The following HOMER1 variants were observed in gnomAD, a reference collection of about 807,000 sequenced individuals.
HOMER1 encodes the protein homer scaffold protein 1.
In HOMER1, 3 loss-of-function variants were observed where a neutral mutation model predicts 48.9. That is an observed-to-expected ratio of 0.06 (90% CI 0.03 to 0.16). The LOEUF (loss-of-function observed/expected upper bound fraction) is 0.16, where lower values mean the gene tolerates loss of function less well. Among genes scored for constraint, HOMER1 ranks in the 10% least tolerant of loss-of-function variants. The probability of loss-of-function intolerance (pLI) is 1.00; values close to 1 mark genes in which losing one functional copy is unlikely to be tolerated. For synonymous variants in HOMER1, 134 were observed against 146.4 expected (o/e 0.92, Z 0.61); for missense variants, 247 against 411.4 (o/e 0.60, Z 3.46).
chr5:79,460,094 A>G (rs1012192041), intron 1 of HOMER1, among the ~76,000 whole-genome samples: 1 of 152,114 alleles, frequency 6.6e-6, no homozygotes, highest in Non-Finnish European at 1.5e-5. Flanking sequence ...GCCTCAAGCA[A>G]TCCTCCCACC....
At chr5:79,508,503 A>C (rs186800129) in intron 1 of HOMER1, among the ~76,000 whole-genome samples, 5 of 152,366 alleles carry the variant, frequency 3.3e-5, no homozygotes, top group Admixed American at 2.0e-4. Flanking sequence ...CAGTCCCTGC[A>C]TAATAAGGCT....
At chr5:79,408,466 T>C (rs994692321) in intron 5 of HOMER1, among the ~76,000 whole-genome samples, 4 of 152,084 alleles carry the variant, frequency 2.6e-5, no homozygotes, top group Admixed American at 2.0e-4. Flanking sequence ...ATGAAAATTA[T>C]TAAAATGAAG....
At chr5:79,395,581 G>T (rs1310382663) in intron 8 of HOMER1, among the ~76,000 whole-genome samples, 4 of 152,144 alleles carry the variant, frequency 2.6e-5, no homozygotes, top group Admixed American at 2.6e-4. Flanking sequence ...CCAGACTACT[G>T]AAAGCCAGTG....
At chr5:79,448,022 T>G (rs757616145) in intron 3 of HOMER1, among the ~76,000 whole-genome samples, 4 of 152,198 alleles carry the variant, frequency 2.6e-5, no homozygotes, top group Non-Finnish European at 4.4e-5. Context: ...CATTTCCATC[T>G]TGGGAAGAAA....
intron 1 of HOMER1, among the ~76,000 whole-genome samples, chr5:79,498,345 GA>G (rs1197908491): frequency 6.6e-6 from 1 of 152,186 alleles, no homozygotes. Flanking sequence ...GCAGTGAGCT[GA>G]GATTGCACCA....
chr5:79,507,138 G>A (rs531772663), intron 1 of HOMER1, among the ~76,000 whole-genome samples: 11 of 149,488 alleles, frequency 7.4e-5, no homozygotes, highest in African/African-American at 1.2e-4. Context: ...GCTGGAACCC[G>A]GGAGGCGGAG....
At chr5:79,511,844 C>A (rs1038306467) in intron 1 of HOMER1, among the ~76,000 whole-genome samples, 4 of 152,176 alleles carry the variant, frequency 2.6e-5, no homozygotes, top group Non-Finnish European at 5.9e-5. Context: ...TTAAAACATG[C>A]CCCTCAACTA....
intron 1 of HOMER1, among the ~76,000 whole-genome samples, chr5:79,486,102 AC>A (rs975974093): frequency 1.7e-4 from 26 of 152,040 alleles, no homozygotes; most frequent in Non-Finnish European, 2.9e-5. Context: ...AGGAATCAAG[AC>A]CTCCACCCTA....
intron 1 of HOMER1, among the ~76,000 whole-genome samples, chr5:79,457,409 C>T (rs1580463736): frequency 6.6e-6 from 1 of 152,306 alleles, no homozygotes; most frequent in Middle Eastern, 3.4e-3. Flanking sequence ...AGTTCTCATA[C>T]TACATTTACA....
intron 8 of HOMER1, among the ~76,000 whole-genome samples, chr5:79,394,330 A>G (rs1252430717): frequency 6.6e-6 from 1 of 152,078 alleles, no homozygotes; most frequent in Non-Finnish European, 1.5e-5. Flanking sequence ...TAAACAGGAG[A>G]TGTTTCTGTG....
intron 5 of HOMER1, among the ~76,000 whole-genome samples, chr5:79,416,968 G>C (rs1749958820): frequency 6.6e-6 from 1 of 152,170 alleles, no homozygotes; most frequent in Admixed American, 6.5e-5. Flanking sequence ...GAATTTGGAA[G>C]GTTGAGAGCC....
chr5:79,424,488 A>G (rs1176900314), intron 5 of HOMER1, among the ~76,000 whole-genome samples: 1 of 152,080 alleles, frequency 6.6e-6, no homozygotes, highest in African/African-American at 2.4e-5. Flanking sequence ...CCTAATGTCT[A>G]TTCATAACTA....
chr5:79,510,139 C>T (rs1278303049), intron 1 of HOMER1, among the ~76,000 whole-genome samples: 3 of 151,816 alleles, frequency 2.0e-5, no homozygotes, highest in Non-Finnish European at 4.4e-5. Context: ...CTTCCTCTCT[C>T]TACTCAAGTC....
intron 5 of HOMER1, among the ~76,000 whole-genome samples, chr5:79,416,881 G>A (rs974865472): frequency 3.9e-5 from 6 of 152,154 alleles, no homozygotes; most frequent in Admixed American, 2.6e-4. Context: ...CTTGCTCAGG[G>A]ATATTTGTGA....
At chr5:79,426,456 G>A (rs1016846282) in intron 5 of HOMER1, among the ~76,000 whole-genome samples, 1 of 151,926 alleles carries the variant, frequency 6.6e-6, no homozygotes, top group Non-Finnish European at 1.5e-5. Flanking sequence ...AATGGAGTAC[G>A]ATTCTGCCAT....
At chr5:79,484,650 C>A (rs1752045760) in intron 1 of HOMER1, among the ~76,000 whole-genome samples, 1 of 152,110 alleles carries the variant, frequency 6.6e-6, no homozygotes, top group Non-Finnish European at 1.5e-5. Context: ...ATTTTGAAGA[C>A]CACCTTAAAA....
intron 1 of HOMER1, among the ~76,000 whole-genome samples, chr5:79,507,208 ATC>A (rs1170777104): frequency 2.5e-4 from 30 of 117,686 alleles, no homozygotes; most frequent in African/African-American, 9.9e-4. Flanking sequence ...GTGAGGCTCT[ATC>A]TCAAAAAAAA....
At chr5:79,385,538 A>G (rs1330288251) in intron 8 of HOMER1, among the ~76,000 whole-genome samples, 3 of 152,086 alleles carry the variant, frequency 2.0e-5, no homozygotes, top group African/African-American at 7.2e-5. Flanking sequence ...ACAAATCAAA[A>G]CCAAATAAGA....
chr5:79,472,777 T>C (rs1364564970), intron 1 of HOMER1, among the ~76,000 whole-genome samples: 1 of 149,742 alleles, frequency 6.7e-6, no homozygotes, highest in Non-Finnish European at 1.5e-5. Context: ...AGACCCTGTC[T>C]CTAAAAAAAA....
Sources: gnomAD v4.1 joint callset for allele counts (sites outside exome capture counted in the v4.1 genomes callset) on GRCh38, gnomAD v4.1.1 for gene constraint, MANE v1.5 for transcripts, NCBI Gene and HGNC (gene_info 2026-07-23, HGNC 2026-07-21) for gene names.